The following SVEP1 variants were observed in gnomAD, a reference collection of about 807,000 sequenced individuals.
SVEP1 encodes sushi, von Willebrand factor type A, EGF and pentraxin domain containing 1, also known as sushi, von Willebrand factor type A, EGF and pentraxin domain-containing protein 1.
In SVEP1, 164 loss-of-function variants were observed where a neutral mutation model predicts 367.3. That is an observed-to-expected ratio of 0.45 (90% CI 0.39 to 0.51). The LOEUF is 0.51. SVEP1 is among the 20% of genes least tolerant of loss of function. The pLI is 0.00. For missense variants in SVEP1, 4,117 were observed against 4,425.3 expected, an observed-to-expected ratio of 0.93 and a Z score of 1.98; for synonymous variants, 1,666 against 1,611.6, an observed-to-expected ratio of 1.03 and a Z score of -0.81.
intron 45 of SVEP1, 25 bp from the exon 46 acceptor site, chr9:110,375,488 A>AAAAAC: frequency 7.2e-7 from 1 of 1,387,122 alleles, no homozygotes; most frequent in Non-Finnish European, 9.8e-7. Flanking sequence ...AAAAAAAAAA[A>AAAAAC]AAGGAGGCAG....
intron 14 of SVEP1, among the ~76,000 whole-genome samples, chr9:110,472,750 T>A (rs960408481): frequency 1.3e-5 from 2 of 152,162 alleles, no homozygotes; most frequent in Non-Finnish European, 2.9e-5. Flanking sequence ...CATAAATAGA[T>A]CTCCTCTCAT....
At chr9:110,426,009 A>G (rs1200327115) in intron 36 of SVEP1, among the ~76,000 whole-genome samples, 1 of 152,194 alleles carries the variant, frequency 6.6e-6, no homozygotes, top group Non-Finnish European at 1.5e-5. Flanking sequence ...TGGAACATGT[A>G]TATTTGCTAA....
At chr9:110,570,997 A>T (rs1206133586) in intron 1 of SVEP1, among the ~76,000 whole-genome samples, 30 of 78,514 alleles carry the variant, frequency 3.8e-4, no homozygotes, top group South Asian at 8.8e-4. Context: ...TTTTTTTTTG[A>T]GACAGGTCTT....
At chr9:110,397,112 G>A (rs1185276740) in intron 40 of SVEP1, among the ~76,000 whole-genome samples, 11 of 151,404 alleles carry the variant, frequency 7.3e-5, no homozygotes, top group South Asian at 4.2e-4. Flanking sequence ...CTGGCAAACC[G>A]AATCCAGAAG....
rs767083110 is a variant in SVEP1, at chr9:110,435,222, G to A, written c.4888+19C>T. ...GTGGTCAAGAGATAGTGGAGTCTATGAAAGAAGGAAATTCTCACCAGAACA... is the reference window on the plus strand; with the variant it reads ...GTGGTCAAGAGATAGTGGAGTCTATAAAAGAAGGAAATTCTCACCAGAACA... On this transcript the variant is annotated intron_variant, in intron 29 of 47. Coordinates refer to ENST00000374469, the MANE Select transcript of SVEP1 (RefSeq NM_153366.4). 3.7e-6 allele frequency: 6 copies of A among 1,610,830 alleles called. No individual in the cohort carries two copies. Among genetic ancestry groups the A allele is most frequent in the African/African-American group, 1.3e-5 (1 of 74,960 alleles).
At chr9:110,566,012 T>C (rs1232238590) in intron 1 of SVEP1, among the ~76,000 whole-genome samples, 1 of 152,030 alleles carries the variant, frequency 6.6e-6, no homozygotes, top group Admixed American at 6.6e-5. Flanking sequence ...ATCTGCATTT[T>C]GGTAATAATA....
In SVEP1 at chr9:110,462,725, CAGAGAGAG is replaced by C. The variant is rs147630659; in HGVS notation, c.3322+3132_3322+3139del. Among the ~76,000 whole-genome samples the C allele has an allele frequency of 2.7e-5, 4 of 149,642 alleles. No homozygotes were observed. The South Asian group carries it at 8.5e-4, about 32-fold the overall frequency. ...ACCTCCTCTATTGTAGACAGAGAGA[CAGAGAGAG>C]AGAGAGAAATAATCTAAGTATGCCA... On this transcript the variant is annotated intron_variant, in intron 18 of 47. Coordinates refer to ENST00000374469, the MANE Select transcript of SVEP1 (RefSeq NM_153366.4).
At chr9:110,546,045 T>C in intron 3 of SVEP1, 70 bp downstream of exon 3, 3 of 1,507,124 alleles carry the variant, frequency 2.0e-6, no homozygotes, top group Non-Finnish European at 2.7e-6. Context: ...GTATTCCTTA[T>C]AGCCATTGCA....
Position 110,579,411 on chromosome 9 carries a change from T to C in SVEP1, c.133A>G (p.Ser45Gly). 3 of 1,578,312 alleles carry C rather than the reference T, an allele frequency of 1.9e-6. No individual in the cohort carries two copies. The highest frequency in any genetic ancestry group is 2.6e-6 in the Non-Finnish European group (3 of 1,163,326). The stretch of plus-strand genomic sequence containing the variant: ...CCAGGAGCGGGCGGCGCGGGGATAC[T>C]CCCGGGGGCCCCGGGCGCGGTCTCG... ...FPETAPGAPG[S>G]IPAPPAPGDE... Residue 45 changes from serine to glycine, a missense_variant, in exon 1 of 48, where the codon AGT becomes GGT. By Grantham distance (56) the Ser-to-Gly change is moderately conservative (BLOSUM62 0). This residue lies in a region of SVEP1 where 161 missense variants were observed against 122.4 expected (regional missense o/e 1.32). Coordinates refer to ENST00000374469, the MANE Select transcript of SVEP1 (RefSeq NM_153366.4). The surrounding 1 kb of genome is among the most constrained non-coding windows in gnomAD (Gnocchi z 5.3).
intron 7 of SVEP1, among the ~76,000 whole-genome samples, chr9:110,497,430 T>G (rs969795866): frequency 1.3e-5 from 2 of 152,220 alleles, no homozygotes; most frequent in Non-Finnish European, 2.9e-5. Flanking sequence ...ACAAGCTATT[T>G]TGAAATTGAA....
intron 14 of SVEP1, among the ~76,000 whole-genome samples, chr9:110,473,367 A>AC (rs1424357604): frequency 6.6e-6 from 1 of 152,214 alleles, no homozygotes; most frequent in Non-Finnish European, 1.5e-5. Context: ...ATCACCATGA[A>AC]CATTTTAGGC....
intron 40 of SVEP1, among the ~76,000 whole-genome samples, chr9:110,392,267 G>A (rs1370057571): frequency 6.6e-6 from 1 of 151,494 alleles, no homozygotes; most frequent in Non-Finnish European, 1.5e-5. Flanking sequence ...CCTCTGCCCT[G>A]TCAATTTATT....
At chr9:110,392,713 A>C (rs1214443648) in intron 40 of SVEP1, among the ~76,000 whole-genome samples, 3 of 151,548 alleles carry the variant, frequency 2.0e-5, no homozygotes, top group Non-Finnish European at 2.9e-5. Context: ...GTTTGTTCAT[A>C]AGCATCCTTT....
At chr9:110,378,000 C>G (rs1827376856) in intron 44 of SVEP1, among the ~76,000 whole-genome samples, 1 of 152,170 alleles carries the variant, frequency 6.6e-6, no homozygotes, top group Admixed American at 6.6e-5. Flanking sequence ...TTTCATGTAG[C>G]ATGATGTCCT....
intron 39 of SVEP1, among the ~76,000 whole-genome samples, chr9:110,402,940 C>T (rs982926112): frequency 3.9e-5 from 6 of 152,136 alleles, no homozygotes; most frequent in African/African-American, 1.4e-4. Flanking sequence ...GGGAATGGTT[C>T]TTGAGTCCCT....
rs749342470 is a variant in SVEP1 at position 110,435,293 on chromosome 9, C to T, written c.4836G>A (p.Leu1612=). 3 of 1,613,650 alleles carry T rather than the reference C, an allele frequency of 1.9e-6. No individual in the cohort carries two copies. The highest frequency in any genetic ancestry group is 3.3e-5 in the Admixed American group (2 of 60,018). ...TCTTCACTTTCCCCACAATTCCTGA[C>T]AAGAAATCAGGCCATGCTAACACGT... ...KGNVLAWPDF[L]SGIVGKVKID... is the part of the protein sequence containing the mutation. Residue 1612 remains leucine (L), a synonymous_variant, in exon 29 of 48, where the codon TTG becomes TTA. Transcript: ENST00000374469.
chr9:110,532,236 G>C (rs888608041), intron 3 of SVEP1, among the ~76,000 whole-genome samples: 2 of 152,108 alleles, frequency 1.3e-5, no homozygotes, highest in African/African-American at 4.8e-5. Flanking sequence ...GGAATTCATA[G>C]AATATTAGAG....
chr9:110,483,451 T>C, intron 10 of SVEP1, 135 bp downstream of exon 10: 1 of 479,080 alleles, frequency 2.1e-6, no homozygotes, highest in Admixed American at 3.8e-5. Context: ...CATTAAAACA[T>C]GTTAACTTAT....
Position 110,579,505 on chromosome 9 carries a change from C to T in SVEP1, c.39G>A (p.Ala13=), listed in dbSNP as rs1003967838. The T allele has an allele frequency of 1.9e-6, 3 of 1,605,402 alleles. No individual in the cohort carries two copies. Among genetic ancestry groups the T allele is most frequent in the Non-Finnish European group, 2.5e-6 (3 of 1,177,032 alleles). ...GAAAGGTCGCCCAGCCCGAAACGAG[C>T]GCCAGACCCCAGCAACAAAAGGCCA... ...PRLAFCCWGL[A]LVSGWATFQQ... is the part of the protein sequence containing the mutation. Residue 13 remains alanine (A), a synonymous_variant, in exon 1 of 48, where the codon GCG becomes GCA. Transcript: ENST00000374469. The surrounding 1 kb of genome is among the most constrained non-coding windows in gnomAD (Gnocchi z 5.3).
Sources: allele counts gnomAD v4.1 joint callset (sites outside exome capture counted in the v4.1 genomes callset), GRCh38; gene constraint gnomAD v4.1.1; regional missense constraint gnomAD v4.1.1; non-coding constraint Gnocchi (gnomAD v3.1); transcripts MANE v1.5; gene names NCBI Gene and HGNC (gene_info 2026-07-23, HGNC 2026-07-21).